Variants in ZFPM2 observed in about 807,000 individuals in gnomAD.
The protein encoded by ZFPM2 is zinc finger protein, FOG family member 2.
ZFPM2 carries 20 observed loss-of-function variants against 98.6 expected under a neutral mutation model. The observed-to-expected ratio is 0.20, with a 90% CI of 0.14 to 0.29. ZFPM2 has a LOEUF of 0.29. Among genes scored for constraint, ZFPM2 ranks in the 10% least tolerant of loss-of-function variants. ZFPM2 has a pLI of 1.00. For synonymous variants in ZFPM2, 518 were observed against 502.7 expected (o/e 1.03, Z -0.41); for missense variants, 1,310 against 1,388.6 (o/e 0.94, Z 0.90).
At position 105,656,570 on chromosome 8, in the gene ZFPM2, C is replaced by T. The variant is rs1020752637; in HGVS notation, c.532+22213C>T. On this transcript the variant is annotated intron_variant, in intron 5 of 7. Coordinates refer to ENST00000407775, the MANE Select transcript of ZFPM2 (RefSeq NM_012082.4). ...ACTGTGCCCTACAGGTCAGAAAATT[C>T]TGGCTTTATGGGACAGAGAGGAGGG... Among the ~76,000 whole-genome samples, 3 of 152,248 alleles carry T rather than the reference C, an allele frequency of 2.0e-5. No homozygotes were observed. In the Middle Eastern group the frequency reaches 0.01, roughly 518 times the overall value.
At chr8:105,392,431 A>G (rs1384604489) in intron 1 of ZFPM2, among the ~76,000 whole-genome samples, 1 of 152,212 alleles carries the variant, frequency 6.6e-6, no homozygotes. Context: ...CAGTGTATCT[A>G]CATAATCTCA....
intron 5 of ZFPM2, among the ~76,000 whole-genome samples, chr8:105,675,261 C>A (rs1009750015): frequency 2.6e-5 from 4 of 152,156 alleles, no homozygotes. Context: ...AAGATATGTT[C>A]ATTCCATGGG....
chr8:105,618,352 T>C (rs1351544478), intron 4 of ZFPM2, among the ~76,000 whole-genome samples: 1 of 152,196 alleles, frequency 6.6e-6, no homozygotes, highest in African/African-American at 2.4e-5. Flanking sequence ...GACAAATTGT[T>C]TGACTTTTTA....
intron 3 of ZFPM2, among the ~76,000 whole-genome samples, chr8:105,462,162 C>T (rs868296964): frequency 6.6e-6 from 1 of 152,004 alleles, no homozygotes; most frequent in Non-Finnish European, 1.5e-5. Context: ...CTGTGTTTAA[C>T]TCATCATGTA....
At chr8:105,380,076 T>G (rs1205327503) in intron 1 of ZFPM2, among the ~76,000 whole-genome samples, 1 of 152,210 alleles carries the variant, frequency 6.6e-6, no homozygotes, top group Non-Finnish European at 1.5e-5. Flanking sequence ...ATCTTTCACC[T>G]AGTTCCTATT....
At chr8:105,726,529 C>G (rs1488140656) in intron 5 of ZFPM2, among the ~76,000 whole-genome samples, 1 of 151,934 alleles carries the variant, frequency 6.6e-6, no homozygotes, top group East Asian at 1.9e-4. Flanking sequence ...ACCATTAGGA[C>G]TGGTCAGTAA....
chr8:105,794,561 G>A (rs970149753), intron 6 of ZFPM2, among the ~76,000 whole-genome samples: 9 of 152,220 alleles, frequency 5.9e-5, no homozygotes, highest in African/African-American at 1.9e-4. Context: ...CAGTCTGCGG[G>A]TTCTCAGATC....
intron 1 of ZFPM2, among the ~76,000 whole-genome samples, chr8:105,332,477 A>C (rs1250738790): frequency 6.6e-6 from 1 of 151,772 alleles, no homozygotes; most frequent in Non-Finnish European, 1.5e-5. Flanking sequence ...TTTTGCCCCA[A>C]GAAAAGATTG....
intron 3 of ZFPM2, among the ~76,000 whole-genome samples, chr8:105,478,514 T>C (rs1485993684): frequency 6.6e-6 from 1 of 152,222 alleles, no homozygotes; most frequent in Non-Finnish European, 1.5e-5. Flanking sequence ...CATCTCCTAA[T>C]GGTCCTGATT....
chr8:105,600,839 A>C (rs766746910), intron 4 of ZFPM2, among the ~76,000 whole-genome samples: 1 of 152,104 alleles, frequency 6.6e-6, no homozygotes, highest in Non-Finnish European at 1.5e-5. Flanking sequence ...TAGTGACTTG[A>C]TTCTTAAGAC....
intron 6 of ZFPM2, chr8:105,789,152 G>A: frequency 2.7e-6 from 1 of 370,698 alleles, no homozygotes; most frequent in Non-Finnish European, 4.8e-6. Context: ...AGTTACATAT[G>A]TATACATGTG....
At chr8:105,402,422 GA>G (rs2129988192) in intron 1 of ZFPM2, among the ~76,000 whole-genome samples, 1 of 151,998 alleles carries the variant, frequency 6.6e-6, no homozygotes, top group East Asian at 1.9e-4. Context: ...TGGAAGACAG[GA>G]ATCCTATTCA....
intron 5 of ZFPM2, among the ~76,000 whole-genome samples, chr8:105,773,922 C>T (rs1449281882): frequency 6.6e-6 from 1 of 152,088 alleles, no homozygotes; most frequent in African/African-American, 2.4e-5. Flanking sequence ...AAAATAATCT[C>T]TATGACTGAA....
intron 3 of ZFPM2, among the ~76,000 whole-genome samples, chr8:105,462,188 G>C (rs1394910738): frequency 6.6e-6 from 1 of 151,918 alleles, no homozygotes; most frequent in Non-Finnish European, 1.5e-5. Flanking sequence ...CTTCATCCTG[G>C]AAAGCACATA....
intron 5 of ZFPM2, among the ~76,000 whole-genome samples, chr8:105,754,323 C>T (rs992648688): frequency 2.0e-5 from 3 of 152,170 alleles, no homozygotes; most frequent in Non-Finnish European, 2.9e-5. Context: ...AACTATAAGT[C>T]TATATTCAAC....
chr8:105,336,683 A>T (rs919075512), intron 1 of ZFPM2, among the ~76,000 whole-genome samples: 2 of 128,474 alleles, frequency 1.6e-5, no homozygotes, highest in Non-Finnish European at 3.2e-5. Flanking sequence ...AAAATGTAAT[A>T]TACTCCACAC....
At chr8:105,525,121 C>T (rs147197253) in intron 3 of ZFPM2, among the ~76,000 whole-genome samples, 5 of 152,246 alleles carry the variant, frequency 3.3e-5, no homozygotes, top group African/African-American at 1.2e-4. Context: ...GACCCCTATT[C>T]TTTTAAGCAC....
At position 105,803,791 on chromosome 8, in the gene ZFPM2, C is replaced by CT. The variant is rs745481164; in HGVS notation, c.*256dup. On this transcript the variant is annotated 3_prime_UTR_variant, in exon 8 of 8. Coordinates refer to ENST00000407775, the MANE Select transcript of ZFPM2 (RefSeq NM_012082.4). Reference sequence around the variant, plus strand: ...GGTTATGTTATTTTTTATTTAAAAACTTTATATTAAAGTCATTTGTAATGT... The same window carrying CT: ...GGTTATGTTATTTTTTATTTAAAAACTTTTATATTAAAGTCATTTGTAATGT... 1 of 434,190 alleles carries CT rather than the reference C, an allele frequency of 2.3e-6. No homozygotes were observed. The highest frequency in any genetic ancestry group is 4.1e-6 in the Non-Finnish European group (1 of 241,514). 26.9% of individuals were successfully genotyped at this position (434,190 alleles called of 1,614,324 possible).
chr8:105,528,289 G>A (rs1814219125), intron 3 of ZFPM2, among the ~76,000 whole-genome samples: 1 of 152,122 alleles, frequency 6.6e-6, no homozygotes, highest in African/African-American at 2.4e-5. Flanking sequence ...AAACTTACAG[G>A]ATATCATAAT....
Sources: gnomAD v4.1 joint callset for allele counts (sites outside exome capture counted in the v4.1 genomes callset) on GRCh38, gnomAD v4.1.1 for gene constraint, MANE v1.5 for transcripts, NCBI Gene and HGNC (gene_info 2026-07-23, HGNC 2026-07-21) for gene names.